Variants in UBE4B observed in about 807,000 individuals in gnomAD.
UBE4B encodes the protein ubiquitination factor E4B.
Under a neutral mutation model 148.1 loss-of-function variants are expected in UBE4B, and 27 were observed. That is an observed-to-expected ratio of 0.18 (90% CI 0.13 to 0.25). UBE4B has a LOEUF of 0.25. Ranked by LOEUF, UBE4B falls within the 10% of genes least tolerant of loss-of-function variation. The pLI is 1.00. For missense variants in UBE4B, 1,170 were observed against 1,662.4 expected, an observed-to-expected ratio of 0.70 and a Z score of 5.15; for synonymous variants, 596 against 619.3, an observed-to-expected ratio of 0.96 and a Z score of 0.56.
At chr1:10,118,762 C>T in intron 8 of UBE4B, among the ~76,000 whole-genome samples, 1 of 151,744 alleles carries the variant, frequency 6.6e-6, no homozygotes, top group East Asian at 1.9e-4. Flanking sequence ...CCTTGGCCTC[C>T]CAAAGTGCTG....
intron 1 of UBE4B, among the ~76,000 whole-genome samples, chr1:10,049,923 G>A (rs914044216): frequency 6.6e-6 from 1 of 151,286 alleles, no homozygotes; most frequent in African/African-American, 2.4e-5. Context: ...AGAAAAATAA[G>A]TCTGTGGTGA....
chr1:10,112,389 T>C (rs1326904925), intron 7 of UBE4B, among the ~76,000 whole-genome samples: 3 of 152,176 alleles, frequency 2.0e-5, no homozygotes, highest in African/African-American at 4.8e-5. Context: ...TTTAGAAATA[T>C]TTCTTTTTTG....
intron 2 of UBE4B, among the ~76,000 whole-genome samples, chr1:10,086,599 G>A (rs957819456): frequency 6.6e-6 from 1 of 152,150 alleles, no homozygotes; most frequent in East Asian, 1.9e-4. Context: ...ATATAGAAGC[G>A]TCAGTGGATC....
intron 2 of UBE4B, among the ~76,000 whole-genome samples, chr1:10,081,223 T>C (rs1644674707): frequency 6.6e-6 from 1 of 151,144 alleles, no homozygotes; most frequent in Non-Finnish European, 1.5e-5. Context: ...CCACCATGCC[T>C]GGCTAATTTT....
chr1:10,072,163 G>T lies in UBE4B; in HGVS notation c.160G>T (p.Gly54Cys), dbSNP rs1191276574. The T allele has an allele frequency of 1.5e-5, 25 of 1,613,706 alleles. No individual in the cohort carries two copies. The highest frequency in any genetic ancestry group is 2.1e-5 in the Non-Finnish European group (25 of 1,179,882). ...ASAPGPSQSL[G>C]LNVHNMTPAT... ...AGCCCCAGGACCCTCTCAGAGTCTT[G>T]GTCTCAATGTCCACAACATGACCCC... Residue 54 changes from glycine to cysteine, a missense_variant, in exon 2 of 28, where the codon GGT (glycine) becomes TGT (cysteine). Physicochemically the swap from Gly to Cys is radical, Grantham distance 159 (BLOSUM62 -3). Coordinates refer to ENST00000343090, the MANE Select transcript of UBE4B (RefSeq NM_001105562.3).
chr1:10,133,989 G>T (rs1026320011), intron 15 of UBE4B, among the ~76,000 whole-genome samples: 5 of 151,732 alleles, frequency 3.3e-5, no homozygotes, highest in African/African-American at 1.2e-4. Context: ...GGTTGAGGCT[G>T]CAGTGAGCTA....
At chr1:10,178,396 G>T (rs902848925) in intron 25 of UBE4B, among the ~76,000 whole-genome samples, 1 of 152,148 alleles carries the variant, frequency 6.6e-6, no homozygotes, top group African/African-American at 2.4e-5. Context: ...TCCAGAGGGA[G>T]TGACCTCGTA....
At chr1:10,121,936 C>T (rs369937523) in intron 9 of UBE4B, 26 bp from the exon 10 acceptor site, 13 of 1,522,636 alleles carry the variant, frequency 8.5e-6, no homozygotes, top group South Asian at 3.5e-5. Flanking sequence ...ACTTCATCAC[C>T]GTCCCTAATG....
intron 17 of UBE4B, among the ~76,000 whole-genome samples, chr1:10,144,461 C>T (rs1456498195): frequency 1.3e-5 from 2 of 152,118 alleles, no homozygotes; most frequent in Non-Finnish European, 2.9e-5. Flanking sequence ...TATGGCCCGA[C>T]GCAGTGGCTC....
chr1:10,035,124 G>C (rs1643454621), intron 1 of UBE4B, among the ~76,000 whole-genome samples: 1 of 151,382 alleles, frequency 6.6e-6, no homozygotes, highest in Non-Finnish European at 1.5e-5. Flanking sequence ...TCAGCCCCCT[G>C]AGTAGCTGGG....
At chr1:10,055,071 C>T (rs186673057) in intron 1 of UBE4B, among the ~76,000 whole-genome samples, 3 of 152,226 alleles carry the variant, frequency 2.0e-5, no homozygotes, top group Non-Finnish European at 4.4e-5. Flanking sequence ...CAGGTGTGAG[C>T]CACCGCACCC....
chr1:10,131,502 A>G (rs1406741281), intron 14 of UBE4B, among the ~76,000 whole-genome samples: 1 of 152,138 alleles, frequency 6.6e-6, no homozygotes, highest in Non-Finnish European at 1.5e-5. Flanking sequence ...AGAAACAGGC[A>G]AAGAAGTTAC....
At chr1:10,099,257 T>C (rs939624157) in intron 3 of UBE4B, among the ~76,000 whole-genome samples, 1 of 151,890 alleles carries the variant, frequency 6.6e-6, no homozygotes, top group Non-Finnish European at 1.5e-5. Context: ...GAAAAAATTA[T>C]TTACATGTAA....
chr1:10,078,982 A>AG (rs1352740054), intron 2 of UBE4B, among the ~76,000 whole-genome samples: 5 of 152,008 alleles, frequency 3.3e-5, no homozygotes, highest in Admixed American at 2.0e-4. Context: ...ATGCCTGGCT[A>AG]ATTTTTTAAT....
intron 17 of UBE4B, 116 bp from the exon 18 acceptor site, chr1:10,144,824 G>C: frequency 1.6e-6 from 1 of 617,568 alleles, no homozygotes; most frequent in Non-Finnish European, 2.8e-6. Context: ...TGATTTTAAA[G>C]ATGTTACAAT....
intron 21 of UBE4B, 94 bp downstream of exon 21, chr1:10,151,655 A>C (rs967311043): frequency 1.9e-6 from 2 of 1,057,538 alleles, no homozygotes; most frequent in African/African-American, 1.6e-5. Flanking sequence ...CCTGTTACCT[A>C]ATATCCTGCT....
At chr1:10,101,978 T>G (rs758223047) in intron 4 of UBE4B, among the ~76,000 whole-genome samples, 34 of 126,510 alleles carry the variant, frequency 2.7e-4, no homozygotes, top group East Asian at 7.9e-4. Flanking sequence ...GCATTTAGGG[T>G]GTGTGTGTGT....
intron 23 of UBE4B, among the ~76,000 whole-genome samples, chr1:10,164,782 C>A (rs191032979): frequency 1.3e-5 from 2 of 152,236 alleles, no homozygotes; most frequent in African/African-American, 4.8e-5. Context: ...AGCACTCAGC[C>A]CTTAGGCTTC....
chr1:10,106,238 G>T lies in UBE4B; in HGVS notation c.851G>T (p.Ser284Ile), dbSNP rs753449921. The T allele has an allele frequency of 1.9e-6, 3 of 1,612,796 alleles. No homozygotes were observed. The highest frequency in any genetic ancestry group is 2.5e-6 in the Non-Finnish European group (3 of 1,179,114). The change falls in exon 7 of 28, where the codon AGC becomes ATC. Residue 284 changes from serine to isoleucine, a missense_variant. By Grantham distance (142) the Ser-to-Ile change is moderately radical. Transcript: ENST00000343090. The surrounding 1 kb of genome is among the most constrained non-coding windows in gnomAD (Gnocchi z 4.2). ...CCGGCTCCCACTCCCAGTTTCTGGA[G>T]CTCTGTTCCCGTGATGGGCCCGTCT... ...SSPAPTPSFW[S>I]SVPVMGPSLA... is the part of the protein sequence containing the mutation.
Sources: allele counts gnomAD v4.1 joint callset (sites outside exome capture counted in the v4.1 genomes callset), GRCh38; gene constraint gnomAD v4.1.1; non-coding constraint Gnocchi (gnomAD v3.1); transcripts MANE v1.5; gene names NCBI Gene and HGNC (gene_info 2026-07-23, HGNC 2026-07-21).